TANC2: variants seen among roughly 807,000 people sequenced by gnomAD.
TANC2 encodes the protein tetratricopeptide repeat, ankyrin repeat and coiled-coil containing 2.
A neutral mutation model predicts 210.5 loss-of-function variants in TANC2; 26 were observed. The ratio of observed to expected loss-of-function variants is 0.12; its 90% CI spans 0.09 to 0.17. The LOEUF (loss-of-function observed/expected upper bound fraction) is 0.17, where lower values mean the gene tolerates loss of function less well. Ranked by LOEUF, TANC2 falls within the 10% of genes least tolerant of loss-of-function variation. The pLI is 1.00. For missense variants in TANC2, 2,129 were observed against 2,608.9 expected (o/e 0.82, Z 4.01); for synonymous variants, 931 against 967.1 (o/e 0.96, Z 0.69).
At chr17:63,022,460 A>G (rs956718124) in intron 2 of TANC2, among the ~76,000 whole-genome samples, 1 of 152,156 alleles carries the variant, frequency 6.6e-6, no homozygotes, top group African/African-American at 2.4e-5. Context: ...GAGCAAAGGG[A>G]TGATTTAAAG....
intron 5 of TANC2, among the ~76,000 whole-genome samples, chr17:63,172,786 T>C (rs1269202731): frequency 6.6e-6 from 1 of 152,188 alleles, no homozygotes; most frequent in Non-Finnish European, 1.5e-5. Flanking sequence ...CTACTAAGAA[T>C]TTCTCTTTAG....
chr17:63,212,513 CAAATAATACAACAAAAATGCA>C (rs1368782304), intron 7 of TANC2, among the ~76,000 whole-genome samples: 11 of 152,114 alleles, frequency 7.2e-5, no homozygotes, highest in Non-Finnish European at 1.6e-4. Flanking sequence ...TTGGTTTGTG[CAAATAATACAACAAAAATGCA>C]AAATAACATC....
At position 62,966,492 on chromosome 17, in the gene TANC2, GC is replaced by G. The variant is rs1254860158; in HGVS notation, c.-278del. 6.7e-6 allele frequency among the ~76,000 whole-genome samples: 1 copy of G among 148,732 alleles called. No homozygotes were observed. Among genetic ancestry groups the G allele is most frequent in the Non-Finnish European group, 1.5e-5 (1 of 66,638 alleles). ...TGCCGCGCGCTAGGCGGAGCGAGGC[GC>G]CCGCCGCCGCCGAGCCGAGCCGAGG... On this transcript the variant is annotated 5_prime_UTR_variant, in exon 1 of 28. Transcript: ENST00000689528. The surrounding 1 kb of genome is among the most constrained non-coding windows in gnomAD (Gnocchi z 5.1).
At chr17:63,157,418 A>G (rs2039876999) in intron 5 of TANC2, among the ~76,000 whole-genome samples, 1 of 152,240 alleles carries the variant, frequency 6.6e-6, no homozygotes, top group African/African-American at 2.4e-5. Flanking sequence ...TAATTTAGTT[A>G]GATATCCAAA....
In TANC2 at chr17:63,420,435, A is replaced by C. The variant is rs753826605; in HGVS notation, c.4705A>C (p.Thr1569Pro). The C allele has an allele frequency of 9.3e-6, 15 of 1,613,592 alleles. No individual in the cohort carries two copies. The highest frequency in any genetic ancestry group is 2.2e-5 in the East Asian group (1 of 44,870). The change falls in exon 28 of 28, where the codon ACC (threonine) becomes CCC (proline). Residue 1569 changes from threonine to proline, a missense_variant. Thr to Pro is a conservative substitution (Grantham distance 38, BLOSUM62 -1). Transcript: ENST00000689528. The surrounding 1 kb of genome is among the most constrained non-coding windows in gnomAD (Gnocchi z 4.2). ...TCCCACTAGACAGACCTATCAGTCCACCTCACCTGCCCTTTCTCCAACTCA... is the reference window on the plus strand; with the variant it reads ...TCCCACTAGACAGACCTATCAGTCCCCCTCACCTGCCCTTTCTCCAACTCA...
chr17:63,330,674 A>G (rs1374993021), intron 11 of TANC2, among the ~76,000 whole-genome samples: 1 of 152,198 alleles, frequency 6.6e-6, no homozygotes, highest in Non-Finnish European at 1.5e-5. Flanking sequence ...ATGGGTATAT[A>G]TTATTTTTAA....
intron 7 of TANC2, among the ~76,000 whole-genome samples, chr17:63,203,589 G>T (rs1010824527): frequency 1.3e-5 from 2 of 152,106 alleles, no homozygotes; most frequent in Non-Finnish European, 2.9e-5. Context: ...TAGTGTAGAG[G>T]TTCTGCAGCT....
At chr17:63,315,831 A>G (rs886078933) in intron 10 of TANC2, among the ~76,000 whole-genome samples, 4 of 152,228 alleles carry the variant, frequency 2.6e-5, no homozygotes, top group African/African-American at 7.2e-5. Flanking sequence ...ATGGATGTCT[A>G]ACGTGGAAGA....
At chr17:63,055,986 AAAAAATATATATATATATATAT>A (rs1357446422) in intron 2 of TANC2, among the ~76,000 whole-genome samples, 9 of 11,204 alleles carry the variant, frequency 8.0e-4, no homozygotes, top group South Asian at 0.01. Flanking sequence ...AAAAAAAAAA[AAAAAATATATATATATATATAT>A]ATATATATAT....
chr17:63,312,096 C>G (rs935465053), intron 9 of TANC2, among the ~76,000 whole-genome samples: 40 of 152,150 alleles, frequency 2.6e-4, no homozygotes, highest in African/African-American at 8.9e-4. Flanking sequence ...TTGTGAATTA[C>G]ATCAGTAAAA....
At chr17:63,377,959 A>G (rs1049206818) in intron 14 of TANC2, among the ~76,000 whole-genome samples, 1 of 152,196 alleles carries the variant, frequency 6.6e-6, no homozygotes, top group Non-Finnish European at 1.5e-5. Context: ...TTGAGAACTC[A>G]CTATCATGAG....
intron 12 of TANC2, among the ~76,000 whole-genome samples, chr17:63,343,745 A>G (rs1310352707): frequency 6.6e-6 from 1 of 151,758 alleles, no homozygotes. Flanking sequence ...CTCAACAACA[A>G]CACCAGCAGG....
intron 7 of TANC2, among the ~76,000 whole-genome samples, chr17:63,205,686 G>T (rs2041687572): frequency 6.6e-6 from 1 of 152,136 alleles, no homozygotes; most frequent in Non-Finnish European, 1.5e-5. Flanking sequence ...GGAAGCTGAG[G>T]CAGGTGGATC....
chr17:63,194,825 C>T (rs2041291067), intron 6 of TANC2, among the ~76,000 whole-genome samples: 1 of 151,964 alleles, frequency 6.6e-6, no homozygotes, highest in African/African-American at 2.4e-5. Flanking sequence ...AAAAAATCTA[C>T]AATTTAAAAA....
intron 2 of TANC2, among the ~76,000 whole-genome samples, chr17:63,073,588 G>A (rs770796497): frequency 6.6e-5 from 10 of 152,132 alleles, no homozygotes; most frequent in Non-Finnish European, 1.0e-4. Context: ...AGAAAAAGCA[G>A]CTGTAATTAA....
intron 9 of TANC2, among the ~76,000 whole-genome samples, chr17:63,289,112 A>G (rs1382669243): frequency 6.6e-6 from 1 of 151,952 alleles, no homozygotes; most frequent in East Asian, 1.9e-4. Context: ...TTCTTTCATG[A>G]TTTGTTCTTT....
At chr17:63,326,914 A>C (rs2045667806) in intron 11 of TANC2, among the ~76,000 whole-genome samples, 1 of 152,236 alleles carries the variant, frequency 6.6e-6, no homozygotes, top group Non-Finnish European at 1.5e-5. Flanking sequence ...TTGCACAGCA[A>C]AGGAAACAGT....
At chr17:63,069,889 TTC>T (rs1374714145) in intron 2 of TANC2, among the ~76,000 whole-genome samples, 1 of 152,154 alleles carries the variant, frequency 6.6e-6, no homozygotes, top group Non-Finnish European at 1.5e-5. Flanking sequence ...TGTTGTATTC[TTC>T]TGTTTTGCCT....
chr17:63,078,594 A>C (rs1315985936), intron 3 of TANC2, among the ~76,000 whole-genome samples: 3 of 152,160 alleles, frequency 2.0e-5, no homozygotes, highest in Non-Finnish European at 4.4e-5. Context: ...GATTCTGATA[A>C]GTAGTATTTT....
Sources: gnomAD v4.1 joint callset for allele counts (sites outside exome capture counted in the v4.1 genomes callset) on GRCh38, gnomAD v4.1.1 for gene constraint, Gnocchi (gnomAD v3.1) non-coding constraint, MANE v1.5 for transcripts, NCBI Gene and HGNC (gene_info 2026-07-23, HGNC 2026-07-21) for gene names.